The following LUZP2 variants were observed in gnomAD, a reference collection of about 807,000 sequenced individuals.
LUZP2 encodes leucine zipper protein 2.
A neutral mutation model predicts 51.6 loss-of-function variants in LUZP2; 52 were observed. The observed-to-expected ratio is 1.01, with a 90% CI of 0.81 to 1.27. LUZP2 has a LOEUF of 1.27. Ranked by LOEUF, LUZP2 falls within the 50% of genes most tolerant of loss-of-function variation. LUZP2 has a pLI of 0.00. For missense variants in LUZP2, 436 were observed against 395.4 expected (o/e 1.10, Z -0.87); for synonymous variants, 154 against 137.3 (o/e 1.12, Z -0.85).
In LUZP2 at chr11:25,078,682, C is replaced by T. The variant is rs367644030; in HGVS notation, c.*24C>T. ...AAATACTAAGAAACTGTGTTAAAAA[C>T]GTCCATTTGCTATTGTCTTCATATT... is the stretch of plus-strand genomic sequence containing the variant. On this transcript the variant is annotated 3_prime_UTR_variant, in exon 12 of 12. Transcript: ENST00000336930. 19 of 1,531,538 alleles carry T rather than the reference C, an allele frequency of 1.2e-5. No homozygotes were observed. Among genetic ancestry groups the T allele is most frequent in the Middle Eastern group, 1.7e-4 (1 of 5,902 alleles). The allele number at this position is 1,531,538 out of a possible 1,614,324, so 94.9% of individuals were successfully genotyped here. A position where few individuals can be genotyped will look rare whatever the true frequency, so the allele number is the denominator to read the frequency against.
At chr11:24,777,404 GT>G (rs1848967406) in intron 5 of LUZP2, among the ~76,000 whole-genome samples, 1 of 152,042 alleles carries the variant, frequency 6.6e-6, no homozygotes, top group Non-Finnish European at 1.5e-5. Flanking sequence ...ATTTAAACAA[GT>G]TGGAAAAATA....
intron 5 of LUZP2, chr11:24,890,814 T>G (rs891896464): frequency 7.4e-6 from 5 of 679,352 alleles, no homozygotes; most frequent in Non-Finnish European, 9.1e-6. Flanking sequence ...TTTATATGAA[T>G]ATGCTAACAG....
intron 1 of LUZP2, among the ~76,000 whole-genome samples, chr11:24,674,734 A>G (rs944909380): frequency 3.3e-5 from 5 of 152,104 alleles, no homozygotes; most frequent in African/African-American, 1.2e-4. Context: ...GAGATTTCCT[A>G]TCTGCATCTT....
chr11:25,052,020 G>T (rs950374954), intron 10 of LUZP2, among the ~76,000 whole-genome samples: 2 of 151,952 alleles, frequency 1.3e-5, no homozygotes, highest in African/African-American at 2.4e-5. Context: ...TCTGTTTCTG[G>T]TCTCAGTCTG....
intron 1 of LUZP2, among the ~76,000 whole-genome samples, chr11:24,625,151 T>G (rs901066499): frequency 6.9e-6 from 1 of 144,920 alleles, no homozygotes; most frequent in Non-Finnish European, 1.5e-5. Flanking sequence ...CTTGTGAAAA[T>G]AGAGTGGAAT....
intron 10 of LUZP2, among the ~76,000 whole-genome samples, chr11:25,058,044 T>C (rs1440841422): frequency 6.6e-6 from 1 of 152,100 alleles, no homozygotes; most frequent in Non-Finnish European, 1.5e-5. Flanking sequence ...AGGCAAGTCA[T>C]ACCCTGCTGT....
chr11:24,675,751 T>C (rs1856521800), intron 1 of LUZP2, among the ~76,000 whole-genome samples: 1 of 151,490 alleles, frequency 6.6e-6, no homozygotes, highest in African/African-American at 2.4e-5. Context: ...ATGTCTGCCC[T>C]ACAAATCTCC....
intron 7 of LUZP2, among the ~76,000 whole-genome samples, chr11:24,922,055 T>A (rs945904613): frequency 5.1e-5 from 7 of 137,032 alleles, no homozygotes; most frequent in Non-Finnish European, 1.0e-4. Flanking sequence ...ATATTAATTA[T>A]TTTTTTTTTA....
chr11:24,895,656 A>G (rs1853017456), intron 5 of LUZP2, among the ~76,000 whole-genome samples: 1 of 152,186 alleles, frequency 6.6e-6, no homozygotes, highest in Admixed American at 6.5e-5. Flanking sequence ...AACAATATCC[A>G]GTTGCATCTA....
intron 5 of LUZP2, among the ~76,000 whole-genome samples, chr11:24,897,496 GAACA>G (rs1315455351): frequency 2.6e-5 from 4 of 151,984 alleles, no homozygotes; most frequent in Non-Finnish European, 2.9e-5. Flanking sequence ...TGGACGGGAG[GAACA>G]AACAACTCCC....
At chr11:24,635,119 C>A (rs56108236) in intron 1 of LUZP2, among the ~76,000 whole-genome samples, 30,422 of 151,748 alleles carry the variant, frequency 0.2, 3,263 homozygotes, top group Middle Eastern at 0.28. Flanking sequence ...ACTAAAAGTC[C>A]AGATTTCACC....
intron 1 of LUZP2, among the ~76,000 whole-genome samples, chr11:24,517,205 G>C (rs757063485): frequency 6.6e-6 from 1 of 151,902 alleles, no homozygotes; most frequent in African/African-American, 2.4e-5. Flanking sequence ...GTAGGTACAG[G>C]CCGGGCACGA....
rs759796894 is a variant in LUZP2, at chr11:24,909,915, G to GA, written c.459+3869dup. Among the ~76,000 whole-genome samples the GA allele has an allele frequency of 2.0e-5, 3 of 152,042 alleles. No individual in the cohort carries two copies. The East Asian group carries it at 5.8e-4, about 29-fold the overall frequency. On this transcript the variant is annotated intron_variant, in intron 6 of 11. Coordinates refer to ENST00000336930, the MANE Select transcript of LUZP2 (RefSeq NM_001009909.4). The stretch of plus-strand genomic sequence containing the variant: ...AGGTTGGAACACTTTGGAGAGCTCA[G>GA]AAAAAAACAAGAAGATGTGGGGTAG...
chr11:24,913,752 G>A (rs1853709164), intron 6 of LUZP2, among the ~76,000 whole-genome samples: 1 of 151,620 alleles, frequency 6.6e-6, no homozygotes, highest in African/African-American at 2.4e-5. Context: ...TTTTGCCTGA[G>A]TAAAGAATCA....
rs148956438 is a variant in LUZP2, at chr11:24,816,458, G to T, written c.396+53150G>T. 1.2e-3 allele frequency among the ~76,000 whole-genome samples: 190 copies of T among 152,090 alleles called. 1 individual carries two copies. The highest frequency in any genetic ancestry group is 4.3e-3 in the African/African-American group (179 of 41,496). On this transcript the variant is annotated intron_variant, in intron 5 of 11. Transcript: ENST00000336930. ...GCTTATCCAAGATAAGAGCTCAAGT[G>T]AAATTTAGTGGCACTTATGGAATTG... is the stretch of plus-strand genomic sequence containing the variant.
intron 1 of LUZP2, among the ~76,000 whole-genome samples, chr11:24,610,780 T>A (rs556366413): frequency 6.6e-6 from 1 of 152,230 alleles, no homozygotes; most frequent in Non-Finnish European, 1.5e-5. Flanking sequence ...ACCCTGTTTC[T>A]ACTGAAAACA....
intron 6 of LUZP2, among the ~76,000 whole-genome samples, chr11:24,912,094 C>T (rs377223405): frequency 4.6e-5 from 7 of 152,054 alleles, no homozygotes; most frequent in African/African-American, 1.4e-4. Context: ...CCCTTCCTTT[C>T]GTTTCCTTTC....
chr11:24,895,369 T>C (rs1853006424), intron 5 of LUZP2, among the ~76,000 whole-genome samples: 1 of 152,148 alleles, frequency 6.6e-6, no homozygotes, highest in South Asian at 2.1e-4. Context: ...TAATTTATCC[T>C]TTTTTTCATC....
chr11:24,728,644 A>T (rs1382775065), intron 1 of LUZP2, among the ~76,000 whole-genome samples: 7 of 152,050 alleles, frequency 4.6e-5, no homozygotes, highest in Admixed American at 4.6e-4. Context: ...ATCACTTAAC[A>T]GTCTTCTGAA....
Sources: gnomAD v4.1 joint callset for allele counts (sites outside exome capture counted in the v4.1 genomes callset) on GRCh38, gnomAD v4.1.1 for gene constraint, MANE v1.5 for transcripts, NCBI Gene and HGNC (gene_info 2026-07-23, HGNC 2026-07-21) for gene names.